ROBO2: variants seen among roughly 807,000 people sequenced by gnomAD.
The protein encoded by ROBO2 is roundabout guidance receptor 2.
In ROBO2, 53 loss-of-function variants were observed where a neutral mutation model predicts 160.8. That is an observed-to-expected ratio of 0.33 (90% CI 0.26 to 0.41). The LOEUF (loss-of-function observed/expected upper bound fraction) is 0.41. ROBO2 is among the 10% of genes least tolerant of loss of function. The pLI, the probability that ROBO2 is intolerant of heterozygous loss-of-function variation, is 1.00. For synonymous variants in ROBO2, 664 were observed against 611.7 expected (o/e 1.09, Z -1.26); for missense variants, 1,577 against 1,722.4 (o/e 0.92, Z 1.49).
At chr3:77,215,576 A>C (rs1004673202) in intron 2 of ROBO2, among the ~76,000 whole-genome samples, 1 of 151,194 alleles carries the variant, frequency 6.6e-6, no homozygotes, top group Non-Finnish European at 1.5e-5. Context: ...TCCTCTCTCA[A>C]CTCGTCAAAG....
At chr3:77,263,562 A>G (rs1212259603) in intron 2 of ROBO2, among the ~76,000 whole-genome samples, 1 of 152,190 alleles carries the variant, frequency 6.6e-6, no homozygotes, top group African/African-American at 2.4e-5. Flanking sequence ...AGCTCCATCC[A>G]TGTCCCTACA....
intron 2 of ROBO2, among the ~76,000 whole-genome samples, chr3:76,640,539 T>TAAATA (rs71104609): frequency 6.9e-6 from 1 of 144,524 alleles, no homozygotes; most frequent in African/African-American, 2.6e-5. Flanking sequence ...GTCTCAAAAA[T>TAAATA]AATAAATAAA....
chr3:75,936,787 A>G (rs188983222), intron 1 of ROBO2, among the ~76,000 whole-genome samples: 2 of 152,156 alleles, frequency 1.3e-5, no homozygotes, highest in African/African-American at 4.8e-5. Context: ...ATATATCAAT[A>G]TGAAAAGCAG....
intron 2 of ROBO2, among the ~76,000 whole-genome samples, chr3:77,187,766 T>C (rs139904418): frequency 7.2e-5 from 11 of 152,030 alleles, no homozygotes; most frequent in African/African-American, 2.6e-4. Context: ...TTTTCAAGAA[T>C]AAAAAAGTGT....
At chr3:76,873,733 C>G (rs1469316210) in intron 2 of ROBO2, among the ~76,000 whole-genome samples, 2 of 152,134 alleles carry the variant, frequency 1.3e-5, no homozygotes, top group African/African-American at 4.8e-5. Flanking sequence ...GCCCAGCAAA[C>G]AATGGTGGCG....
chr3:76,441,428 C>T (rs1055272013), intron 2 of ROBO2, among the ~76,000 whole-genome samples: 1 of 152,076 alleles, frequency 6.6e-6, no homozygotes, highest in African/African-American at 2.4e-5. Context: ...GAAAGAGTAT[C>T]AGATATTTGG....
intron 2 of ROBO2, among the ~76,000 whole-genome samples, chr3:77,253,662 C>T (rs2090624418): frequency 6.6e-6 from 1 of 151,994 alleles, no homozygotes; most frequent in Non-Finnish European, 1.5e-5. Context: ...TTATTTTCTT[C>T]TTTGTCAATG....
intron 2 of ROBO2, among the ~76,000 whole-genome samples, chr3:76,981,695 G>T (rs767668550): frequency 4.6e-5 from 7 of 152,120 alleles, no homozygotes; most frequent in Non-Finnish European, 1.0e-4. Context: ...AAGAAAAAAG[G>T]TTTAATTGGC....
intron 2 of ROBO2, among the ~76,000 whole-genome samples, chr3:76,519,880 T>C (rs532453417): frequency 6.6e-6 from 1 of 152,250 alleles, no homozygotes; most frequent in South Asian, 2.1e-4. Context: ...CTTGACAAGA[T>C]CCATGCAACT....
At chr3:77,293,338 A>G (rs949630830) in intron 2 of ROBO2, among the ~76,000 whole-genome samples, 6 of 151,442 alleles carry the variant, frequency 4.0e-5, no homozygotes, top group African/African-American at 9.7e-5. Flanking sequence ...TAGAACAGTA[A>G]AGACATAAAG....
intron 1 of ROBO2, among the ~76,000 whole-genome samples, chr3:75,933,601 C>G (rs1327766303): frequency 6.6e-6 from 1 of 151,956 alleles, no homozygotes; most frequent in African/African-American, 2.4e-5. Context: ...AATGAAATTG[C>G]CAGTCTGAAG....
intron 2 of ROBO2, among the ~76,000 whole-genome samples, chr3:76,604,973 G>T (rs910962034): frequency 6.6e-6 from 1 of 152,126 alleles, no homozygotes; most frequent in Admixed American, 6.5e-5. Context: ...AGCAAACTAC[G>T]TCAAACTGAA....
At chr3:77,517,271 G>A (rs2090124339) in intron 5 of ROBO2, among the ~76,000 whole-genome samples, 1 of 151,414 alleles carries the variant, frequency 6.6e-6, no homozygotes. Context: ...TTCAAAAAGG[G>A]TCAGCCATGG....
At chr3:76,765,471 C>G (rs1281783028) in intron 2 of ROBO2, among the ~76,000 whole-genome samples, 1 of 151,578 alleles carries the variant, frequency 6.6e-6, no homozygotes, top group Non-Finnish European at 1.5e-5. Context: ...TGAATCTGGG[C>G]AGGATCGTGA....
intron 2 of ROBO2, among the ~76,000 whole-genome samples, chr3:76,084,605 A>T (rs1046465368): frequency 7.2e-5 from 11 of 152,162 alleles, no homozygotes; most frequent in African/African-American, 2.7e-4. Flanking sequence ...ATTTGGCTAC[A>T]TATTAGGATT....
At chr3:77,366,855 T>C (rs2070957216) in intron 2 of ROBO2, among the ~76,000 whole-genome samples, 1 of 151,536 alleles carries the variant, frequency 6.6e-6, no homozygotes, top group Non-Finnish European at 1.5e-5. Flanking sequence ...TTTTAACTAC[T>C]AGTTCTTTCA....
intron 2 of ROBO2, among the ~76,000 whole-genome samples, chr3:76,330,714 A>G (rs986976196): frequency 2.0e-5 from 3 of 152,194 alleles, no homozygotes; most frequent in Non-Finnish European, 2.9e-5. Flanking sequence ...CCTAGGTCTC[A>G]TCGATTTGTT....
In ROBO2 at chr3:76,208,787, C is replaced by T. The variant is rs999320917; in HGVS notation, c.109+271185C>T. 5.3e-5 allele frequency among the ~76,000 whole-genome samples: 8 copies of T among 152,186 alleles called. No homozygotes were observed. The East Asian group carries it at 7.7e-4, about 15-fold the overall frequency. On this transcript the variant is annotated intron_variant, in intron 2 of 26. Transcript: ENST00000487694. ...TCCTTTCCCTATGTTGTATAATCCC[C>T]GGGTCTGGGGGATAATGGCACGGAC...
chr3:76,871,277 G>T (rs893189593), intron 2 of ROBO2, among the ~76,000 whole-genome samples: 9 of 152,122 alleles, frequency 5.9e-5, no homozygotes, highest in African/African-American at 2.2e-4. Flanking sequence ...ACCTCTGGCC[G>T]GGCGCGGTGG....
Sources: gnomAD v4.1 joint callset for allele counts (sites outside exome capture counted in the v4.1 genomes callset) on GRCh38, gnomAD v4.1.1 for gene constraint, MANE v1.5 for transcripts, NCBI Gene and HGNC (gene_info 2026-07-23, HGNC 2026-07-21) for gene names.